The following ENO1 variants were observed in gnomAD, a reference collection of about 807,000 sequenced individuals.
The protein encoded by ENO1 is alpha-enolase.
Under a neutral mutation model 46.3 loss-of-function variants are expected in ENO1, and 33 were observed. The ratio of observed to expected loss-of-function variants is 0.71; its 90% CI spans 0.54 to 0.95. The LOEUF is 0.95. ENO1 is among the 40% of genes least tolerant of loss of function. The pLI is 0.00. For missense variants in ENO1, 488 were observed against 553.3 expected (o/e 0.88, Z 1.18); for synonymous variants, 220 against 216.0 (o/e 1.02, Z -0.16).
In ENO1 at chr1:8,866,098, A is replaced by C. The variant is rs1255911981; in HGVS notation, c.667+181T>G. On this transcript the variant is annotated intron_variant, in intron 7 of 11. Transcript: ENST00000234590. ...TCTCAAAAAAAAAAAAAAAAAGAAAAAAATAAGTAAAATAAAATGAAGCTC... is the reference window on the plus strand; with the variant it reads ...TCTCAAAAAAAAAAAAAAAAAGAAACAAATAAGTAAAATAAAATGAAGCTC... The C allele has an allele frequency of 5.4e-6, 3 of 560,400 alleles. No homozygotes were observed. In the East Asian group the frequency reaches 9.0e-5, roughly 17 times the overall value. The allele number at this position is 560,400 out of a possible 1,614,324, so 34.7% of individuals were successfully genotyped here. A position where few individuals can be genotyped will look rare whatever the true frequency, so the allele number is the denominator to read the frequency against.
rs1487430173 is a variant in ENO1, at chr1:8,863,316, C to T, written c.1095G>A (p.Trp365Ter). 1.2e-6 allele frequency: 2 copies of T among 1,613,892 alleles called. No homozygotes were observed. Among genetic ancestry groups the T allele is most frequent in the Admixed American group, 1.7e-5 (1 of 59,962 alleles). Residue 365 changes from tryptophan (W) to a stop codon, truncating the protein, a stop_gained, in exon 10 of 12, where the codon TGG (tryptophan) becomes TGA (stop). Transcript: ENST00000234590. LOFTEE classifies it high-confidence loss of function. Reference sequence around the variant, plus strand: ...CCGAACGATGAGACACCATGACGCCCCAACCATTGGCCTGGGCCAGCTTGC... The same window carrying T: ...CCGAACGATGAGACACCATGACGCCTCAACCATTGGCCTGGGCCAGCTTGC... ...QACKLAQANGWGVMVSHRSGE... is the reference protein window; with the variant it reads ...QACKLAQANG
At position 8,862,923 on chromosome 1, in the gene ENO1, C is replaced by G; in HGVS notation, c.1199G>C (p.Arg400Pro). Residue 400 changes from arginine to proline, a missense_variant, in exon 11 of 12, where the codon CGA becomes CCA. Transcript: ENST00000234590. The part of the protein sequence containing the change: ...TGQIKTGAPC[R>P]SERLAKYNQL... ...GTTGTACTTGGCCAAGCGCTCAGAT[C>G]GGCAAGGGGCACCAGTCTTGATCTA... is the stretch of plus-strand genomic sequence containing the variant. The G allele has an allele frequency of 1.9e-6, 3 of 1,614,086 alleles. No individual in the cohort carries two copies. The highest frequency in any genetic ancestry group is 1.7e-6 in the Non-Finnish European group (2 of 1,179,988).
intron 1 of ENO1, 99 bp downstream of exon 1, chr1:8,878,481 C>A (rs1015321186): frequency 1.6e-5 from 6 of 384,910 alleles, no homozygotes; most frequent in African/African-American, 4.2e-5. Flanking sequence ...CCACGCTGGG[C>A]CTGCGGGCGC....
intron 7 of ENO1, 64 bp downstream of exon 7, chr1:8,866,215 C>T (rs982450022): frequency 2.8e-6 from 4 of 1,445,284 alleles, no homozygotes; most frequent in African/African-American, 1.4e-5. Context: ...GTGTGGACGA[C>T]CCCCCAACAG....
chr1:8,870,933 A>C, intron 3 of ENO1: 1 of 1,254,436 alleles, frequency 8.0e-7, no homozygotes, highest in Non-Finnish European at 1.0e-6. Context: ...TCAGAAGAGA[A>C]CCGGTGATTA....
chr1:8,864,035 G>C lies in ENO1; in HGVS notation c.923C>G (p.Thr308Arg), dbSNP rs1404080418. ...QDDWGAWQKF[T>R]ASAGIQVVGD... is the part of the protein sequence containing the mutation. ...CACTACCTGGATTCCTGCACTGGCT[G>C]TGAACTTCTGCCAAGCTCCCCAGTC... The change falls in exon 9 of 12, where the codon ACA becomes AGA. Residue 308 changes from threonine to arginine, a missense_variant. By Grantham distance (71) the Thr-to-Arg change is moderately conservative (BLOSUM62 -1). Coordinates refer to ENST00000234590, the MANE Select transcript of ENO1 (RefSeq NM_001428.5). The C allele has an allele frequency of 6.2e-7, 1 of 1,614,206 alleles. No homozygotes were observed. Among genetic ancestry groups the C allele is most frequent in the South Asian group, 1.1e-5 (1 of 91,082 alleles).
chr1:8,873,073 C>A (rs1642665929), intron 2 of ENO1, among the ~76,000 whole-genome samples: 1 of 152,230 alleles, frequency 6.6e-6, no homozygotes, highest in Non-Finnish European at 1.5e-5. Flanking sequence ...ATCAACAGGT[C>A]ATACTTCCTT....
At chr1:8,871,757 A>G (rs1642637289) in intron 3 of ENO1, 134 bp downstream of exon 3, 1 of 1,264,058 alleles carries the variant, frequency 7.9e-7, no homozygotes, top group African/African-American at 1.5e-5. Context: ...GCTTCCATCA[A>G]CATCATGGGT....
intron 3 of ENO1, chr1:8,871,448 T>G (rs557328270): frequency 1.0e-6 from 1 of 999,800 alleles, no homozygotes; most frequent in East Asian, 1.1e-4. Flanking sequence ...ATGACACACC[T>G]GCAGCTCACC....
intron 4 of ENO1, among the ~76,000 whole-genome samples, chr1:8,868,999 T>C (rs1381185199): frequency 1.3e-5 from 2 of 152,190 alleles, no homozygotes; most frequent in Admixed American, 1.3e-4. Context: ...AAAATCAGCA[T>C]TCCATTTTAA....
chr1:8,867,437 C>T (rs1557582243), intron 5 of ENO1, among the ~76,000 whole-genome samples, 187 bp from the exon 6 acceptor site: 2 of 152,202 alleles, frequency 1.3e-5, no homozygotes, highest in Non-Finnish European at 2.9e-5. Flanking sequence ...TAAGACAGAG[C>T]CCAACTCCAG....
Position 8,870,913 on chromosome 1 carries a change from T to C in ENO1, c.182-403A>G, listed in dbSNP as rs777813116. ...CCAGCAGAGGATGAAGAAGGAAAAA[T>C]GAGAGAGACTCAGAAGAGAACCGGT... On this transcript the variant is annotated intron_variant, in intron 3 of 11. Coordinates refer to ENST00000234590, the MANE Select transcript of ENO1 (RefSeq NM_001428.5). 2.4e-6 allele frequency: 3 copies of C among 1,255,578 alleles called. No homozygotes were observed. The East Asian group carries it at 8.8e-5, about 37-fold the overall frequency. 77.8% of individuals were successfully genotyped at this position (1,255,578 alleles called of 1,614,324 possible).
intron 2 of ENO1, among the ~76,000 whole-genome samples, chr1:8,872,503 C>T (rs1295341221): frequency 6.6e-6 from 1 of 150,476 alleles, no homozygotes; most frequent in African/African-American, 2.5e-5. Flanking sequence ...CTGCATCAGG[C>T]TCCCCAGCAA....
rs1282776380 is a variant in ENO1 at position 8,876,973 on chromosome 1, C to T, written c.-10+1607G>A. Among the ~76,000 whole-genome samples the T allele has an allele frequency of 2.0e-5, 3 of 151,638 alleles. No individual in the cohort carries two copies. The East Asian group carries it at 5.8e-4, about 29-fold the overall frequency. On this transcript the variant is annotated intron_variant, in intron 1 of 11. Transcript: ENST00000234590. ...CCCGAGTAGGTGGGATTACAGGCGC[C>T]TGCCATTACGCCCAGGTGATTTTTT... is the stretch of plus-strand genomic sequence containing the variant.
chr1:8,866,257 G>A, intron 7 of ENO1, 22 bp downstream of exon 7: 1 of 1,611,284 alleles, frequency 6.2e-7, no homozygotes, highest in Non-Finnish European at 8.5e-7. Context: ...TGGGTGGGGG[G>A]GCGGTTCCCT....
chr1:8,878,376 G>T (rs1042448660), intron 1 of ENO1: 5 of 313,714 alleles, frequency 1.6e-5, no homozygotes, highest in Non-Finnish European at 2.5e-5. Flanking sequence ...GGCCCAGCAC[G>T]TGCGCCTGGC....
chr1:8,877,320 C>G (rs1033808249), intron 1 of ENO1, among the ~76,000 whole-genome samples: 9 of 150,560 alleles, frequency 6.0e-5, no homozygotes, highest in African/African-American at 2.2e-4. Flanking sequence ...CTCCCGACCT[C>G]AGGTGATCCT....
At chr1:8,866,926 C>G (rs747411115) in intron 6 of ENO1, among the ~76,000 whole-genome samples, 191 bp downstream of exon 6, 4 of 152,202 alleles carry the variant, frequency 2.6e-5, no homozygotes, top group African/African-American at 9.6e-5. Flanking sequence ...CTCCCCGAGC[C>G]TCCATTGCAG....
At chr1:8,875,100 T>C (rs1350563947) in intron 1 of ENO1, among the ~76,000 whole-genome samples, 183 bp from the exon 2 acceptor site, 1 of 152,190 alleles carries the variant, frequency 6.6e-6, no homozygotes, top group Non-Finnish European at 1.5e-5. Flanking sequence ...AGAATTCTCC[T>C]AATTAAGTAG....
Sources: gnomAD v4.1 joint callset for allele counts (sites outside exome capture counted in the v4.1 genomes callset) on GRCh38, gnomAD v4.1.1 for gene constraint, MANE v1.5 for transcripts, NCBI Gene and HGNC (gene_info 2026-07-23, HGNC 2026-07-21) for gene names.